Variants in PCAT7 observed in about 807,000 individuals in gnomAD.
PCAT7 encodes prostate cancer associated transcript 7, also known as prostate cancer associated transcript 7 (non-protein coding).
At chr9:94,570,046 C>CT (rs1827250286) in intron 2 of PCAT7, 7 of 152,314 alleles carry the variant, frequency 4.6e-5, no homozygotes, top group Admixed American at 4.6e-4. Flanking sequence ...GGGTTTCAGG[C>CT]TAATACATAG....
intron 3 of PCAT7, among the ~76,000 whole-genome samples, chr9:94,574,562 C>T (rs514222): frequency 0.26 from 40,140 of 151,932 alleles, 6,711 homozygotes; most frequent in East Asian, 0.53. Flanking sequence ...TTGTATATGT[C>T]ACAAATATTT....
At chr9:94,556,994 G>A (rs574762852) in intron 1 of PCAT7, among the ~76,000 whole-genome samples, 5 of 152,036 alleles carry the variant, frequency 3.3e-5, no homozygotes, top group Admixed American at 1.3e-4. Context: ...GACCGTAAAC[G>A]CGTGAATTTA....
chr9:94,557,231 A>C lies in PCAT7; in HGVS notation n.258-1738A>C, dbSNP rs149345766. On this transcript the variant is annotated intron_variant and non_coding_transcript_variant, in intron 1 of 8. Coordinates refer to ENST00000647389, the Ensembl canonical transcript of PCAT7. The stretch of plus-strand genomic sequence containing the variant: ...CTGAGGTATTTTGAACTTCCATGTT[A>C]ATTTTAAGATTCTTTTTCTATTTAA... Among the ~76,000 whole-genome samples, 114 of 152,312 alleles carry C rather than the reference A, an allele frequency of 7.5e-4. 1 individual carries two copies. The highest frequency in any genetic ancestry group is 2.5e-3 in the African/African-American group (102 of 41,572).
intron 2 of PCAT7, among the ~76,000 whole-genome samples, chr9:94,566,651 G>T (rs1827193927): frequency 6.6e-6 from 1 of 152,136 alleles, no homozygotes; most frequent in South Asian, 2.1e-4. Flanking sequence ...CTCTAGCTCT[G>T]CTGGGTTAGG....
At chr9:94,556,993 C>T (rs748167976) in intron 1 of PCAT7, among the ~76,000 whole-genome samples, 11 of 152,064 alleles carry the variant, frequency 7.2e-5, no homozygotes, top group South Asian at 2.1e-4. Context: ...TGACCGTAAA[C>T]GCGTGAATTT....
intron 1 of PCAT7, chr9:94,558,803 G>T: frequency 1.3e-6 from 1 of 793,472 alleles, no homozygotes; most frequent in Non-Finnish European, 2.1e-6. Context: ...TAAGCAGTTT[G>T]TTGTTGCTCT....
At chr9:94,564,262 A>G (rs1353961670) in intron 2 of PCAT7, among the ~76,000 whole-genome samples, 1 of 152,208 alleles carries the variant, frequency 6.6e-6, no homozygotes, top group Non-Finnish European at 1.5e-5. Flanking sequence ...ATGCAAAAGA[A>G]CTGAACTCAT....
At chr9:94,558,351 A>G (rs968936056) in intron 1 of PCAT7, among the ~76,000 whole-genome samples, 22 of 152,058 alleles carry the variant, frequency 1.4e-4, no homozygotes, top group Non-Finnish European at 1.9e-4. Flanking sequence ...CTGGAGTGCA[A>G]TGGCGCGATC....
chr9:94,567,316 A>G (rs1471392419), intron 2 of PCAT7: 22 of 1,614,086 alleles, frequency 1.4e-5, no homozygotes, highest in Non-Finnish European at 1.7e-5. Flanking sequence ...GGCCGCATCA[A>G]AATACTTGGC....
At position 94,561,450 on chromosome 9, in the gene PCAT7, C is replaced by T. The variant is rs564296552; in HGVS notation, n.441+2298C>T. ...CGATCTCGGCTCACTGCAAGCTCCG[C>T]CTCCCAGGTTCACGCCATTCTCCTG... On this transcript the variant is annotated intron_variant and non_coding_transcript_variant, in intron 2 of 8. Coordinates refer to ENST00000647389, the Ensembl canonical transcript of PCAT7. 1.1e-4 allele frequency among the ~76,000 whole-genome samples: 17 copies of T among 148,738 alleles called. No homozygotes were observed. In the South Asian group the frequency reaches 3.6e-3, roughly 32 times the overall value.
intron 2 of PCAT7, chr9:94,559,185 G>C (rs994627516): frequency 6.6e-7 from 1 of 1,517,248 alleles, no homozygotes; most frequent in Admixed American, 1.8e-5. Flanking sequence ...CAAATGTCCC[G>C]AGCCATGCCC....
chr9:94,571,621 A>G, intron 2 of PCAT7: 2 of 1,603,492 alleles, frequency 1.2e-6, no homozygotes, highest in Non-Finnish European at 8.5e-7. Flanking sequence ...GAGAGGGATA[A>G]ATGCCATGTG....
chr9:94,570,516 T>TA (rs141197781), intron 2 of PCAT7: 1 of 152,184 alleles, frequency 6.6e-6, no homozygotes, highest in Non-Finnish European at 1.5e-5. Flanking sequence ...TCCTACCACT[T>TA]ACGAAGAATT....
chr9:94,567,547 C>T, intron 2 of PCAT7: 1 of 911,958 alleles, frequency 1.1e-6, no homozygotes, highest in African/African-American at 1.7e-5. Context: ...TGAACCTGCT[C>T]TTTGGTGTTT....
At chr9:94,563,613 G>T in intron 2 of PCAT7, 1 of 851,816 alleles carries the variant, frequency 1.2e-6, no homozygotes, top group Non-Finnish European at 1.8e-6. Context: ...TTATATAATT[G>T]TGCATTTCAT....
At chr9:94,563,217 C>T (rs1827134796) in intron 2 of PCAT7, 4 of 1,101,162 alleles carry the variant, frequency 3.6e-6, no homozygotes, top group Admixed American at 2.9e-5. Context: ...TTCATTTTTC[C>T]TCCCCTGCCC....
chr9:94,555,948 G>A lies in PCAT7; in HGVS notation n.257+638G>A, dbSNP rs116141121. Among the ~76,000 whole-genome samples, 1,103 of 149,676 alleles carry A rather than the reference G, an allele frequency of 7.4e-3. 16 individuals carry two copies. Among genetic ancestry groups the A allele is most frequent in the African/African-American group, 0.026 (1,056 of 40,556 alleles). On this transcript the variant is annotated intron_variant and non_coding_transcript_variant, in intron 1 of 8. Transcript: ENST00000647389. ...AGCAGTATAGGGGAGAGAAGAGAACGAGTGGGAAGCAGGGGCAGACTTTGT... is the reference window on the plus strand; with the variant it reads ...AGCAGTATAGGGGAGAGAAGAGAACAAGTGGGAAGCAGGGGCAGACTTTGT...
exon 1 of PCAT7, chr9:94,555,301 G>C (rs933359746): frequency 2.0e-5 from 3 of 152,048 alleles, no homozygotes; most frequent in African/African-American, 7.3e-5. Context: ...ATTGCAGCGC[G>C]GCTGGAGGGG....
At chr9:94,571,465 G>A in intron 2 of PCAT7, 1 of 1,610,592 alleles carries the variant, frequency 6.2e-7, no homozygotes, top group Admixed American at 1.7e-5. Flanking sequence ...TACCTACCGG[G>A]TCAAGCATGA....
Sources: gnomAD v4.1 joint callset for allele counts (sites outside exome capture counted in the v4.1 genomes callset) on GRCh38, gnomAD v4.1.1 for gene constraint, MANE v1.5 for transcripts, NCBI Gene and HGNC (gene_info 2026-07-23, HGNC 2026-07-21) for gene names.